IMMP2L: variants seen among roughly 807,000 people sequenced by gnomAD.
IMMP2L encodes the protein mitochondrial inner membrane protease subunit 2.
Under a neutral mutation model 19.3 loss-of-function variants are expected in IMMP2L, and 18 were observed. That is an observed-to-expected ratio of 0.93 (90% confidence interval 0.64 to 1.38). The LOEUF is 1.38. Ranked by LOEUF, IMMP2L falls within the 40% of genes most tolerant of loss-of-function variation. IMMP2L has a pLI of 0.00. For missense variants in IMMP2L, 233 were observed against 218.2 expected, an observed-to-expected ratio of 1.07 and a Z score of -0.43; for synonymous variants, 76 against 73.0, an observed-to-expected ratio of 1.04 and a Z score of -0.21.
rs1412160908 is a variant in IMMP2L, at chr7:110,727,785, T to C, written c.409-64064A>G. 6.6e-6 allele frequency among the ~76,000 whole-genome samples: 1 copy of C among 152,242 alleles called. No individual in the cohort carries two copies. The highest frequency in any genetic ancestry group is 1.5e-5 in the Non-Finnish European group (1 of 68,034). ...TATCTAAGAGAGTCTGGGAAAGTCATGGGACTTACCTGAACTTATATCAAG... is the reference window on the plus strand; with the variant it reads ...TATCTAAGAGAGTCTGGGAAAGTCACGGGACTTACCTGAACTTATATCAAG... On this transcript the variant is annotated intron_variant, in intron 5 of 5. Transcript: ENST00000405709. This position sits in a 1 kb window ranked among gnomAD's most constrained non-coding sequence, Gnocchi z 4.3.
chr7:110,907,760 T>G (rs258995), intron 4 of IMMP2L, among the ~76,000 whole-genome samples: 83,881 of 152,062 alleles, frequency 0.55, 24,983 homozygotes, highest in East Asian at 0.85. Flanking sequence ...ATATTCATTT[T>G]TTGCTGTTAT....
chr7:111,503,830 A>G (rs1238931917), intron 2 of IMMP2L, among the ~76,000 whole-genome samples: 4 of 152,180 alleles, frequency 2.6e-5, no homozygotes, highest in East Asian at 1.9e-4. Context: ...TCAAAATAAT[A>G]AGAGCTATCT....
intron 4 of IMMP2L, among the ~76,000 whole-genome samples, chr7:110,887,697 T>C (rs1454246181): frequency 1.3e-5 from 2 of 151,018 alleles, no homozygotes; most frequent in African/African-American, 4.8e-5. Context: ...AATAAAATAT[T>C]ATCCTAATCC....
At chr7:111,232,445 ACT>A (rs1471474205) in intron 3 of IMMP2L, among the ~76,000 whole-genome samples, 1 of 151,628 alleles carries the variant, frequency 6.6e-6, no homozygotes, top group African/African-American at 2.4e-5. Context: ...AATGAACCCA[ACT>A]CTGTAACACA....
At chr7:110,944,484 C>T (rs567330985) in intron 4 of IMMP2L, among the ~76,000 whole-genome samples, 10 of 151,622 alleles carry the variant, frequency 6.6e-5, no homozygotes, top group Admixed American at 4.7e-4. Flanking sequence ...TGTGTGTGTG[C>T]GCGTGTGTGT....
chr7:110,914,037 C>T (rs770994114), intron 4 of IMMP2L, among the ~76,000 whole-genome samples: 1 of 152,068 alleles, frequency 6.6e-6, no homozygotes, highest in Non-Finnish European at 1.5e-5. Flanking sequence ...GAAAGTCAAC[C>T]AGCAAAATGT....
At chr7:111,095,028 C>G (rs951749355) in intron 3 of IMMP2L, among the ~76,000 whole-genome samples, 2 of 151,974 alleles carry the variant, frequency 1.3e-5, no homozygotes, top group Non-Finnish European at 2.9e-5. Flanking sequence ...GCATAATTGT[C>G]AAGTTTGTAT....
At chr7:111,109,642 T>C (rs1798960086) in intron 3 of IMMP2L, among the ~76,000 whole-genome samples, 1 of 152,154 alleles carries the variant, frequency 6.6e-6, no homozygotes, top group African/African-American at 2.4e-5. Context: ...TCATGAAATC[T>C]CTCTGAGTTA....
chr7:111,517,117 T>A (rs542285718), intron 2 of IMMP2L, among the ~76,000 whole-genome samples: 111 of 150,330 alleles, frequency 7.4e-4, no homozygotes, highest in African/African-American at 1.5e-3. Flanking sequence ...TAAAATTTTT[T>A]AAAAAAAACA....
At chr7:111,535,970 G>C (rs978924488) in intron 1 of IMMP2L, among the ~76,000 whole-genome samples, 1 of 152,106 alleles carries the variant, frequency 6.6e-6, no homozygotes, top group Non-Finnish European at 1.5e-5. Flanking sequence ...GAAGGTTTAA[G>C]ATGAGCCTGA....
chr7:111,181,376 T>A (rs1191077021), intron 3 of IMMP2L, among the ~76,000 whole-genome samples: 1 of 152,050 alleles, frequency 6.6e-6, no homozygotes, highest in Non-Finnish European at 1.5e-5. Flanking sequence ...ATTTTCTTAT[T>A]TGTTTGTTTA....
chr7:110,805,116 A>G (rs1361260164), intron 5 of IMMP2L, among the ~76,000 whole-genome samples: 1 of 152,124 alleles, frequency 6.6e-6, no homozygotes, highest in African/African-American at 2.4e-5. Context: ...AAGAAGTCAC[A>G]CCAGTTTTAA....
chr7:110,787,141 T>C (rs1800134878), intron 5 of IMMP2L, among the ~76,000 whole-genome samples: 1 of 152,038 alleles, frequency 6.6e-6, no homozygotes, highest in African/African-American at 2.4e-5. Context: ...GTTACCATGA[T>C]AATGACACTG....
chr7:111,204,467 A>G (rs1810485799), intron 3 of IMMP2L, among the ~76,000 whole-genome samples: 1 of 152,206 alleles, frequency 6.6e-6, no homozygotes, highest in Non-Finnish European at 1.5e-5. Flanking sequence ...CATACTAAGT[A>G]TTAAATAATG....
At chr7:111,014,455 C>G (rs910872452) in intron 3 of IMMP2L, among the ~76,000 whole-genome samples, 1 of 151,940 alleles carries the variant, frequency 6.6e-6, no homozygotes, top group African/African-American at 2.4e-5. Flanking sequence ...ATAAATGACT[C>G]CTGGATTAAT....
At chr7:111,205,472 T>G (rs1468035008) in intron 3 of IMMP2L, among the ~76,000 whole-genome samples, 1 of 152,150 alleles carries the variant, frequency 6.6e-6, no homozygotes, top group South Asian at 2.1e-4. Flanking sequence ...ATTTCCTAAC[T>G]CCTCAGGAAA....
At chr7:111,545,913 A>G (rs879370106) in intron 1 of IMMP2L, among the ~76,000 whole-genome samples, 3 of 152,144 alleles carry the variant, frequency 2.0e-5, no homozygotes, top group Admixed American at 1.3e-4. Flanking sequence ...TCATCTTCTT[A>G]TAATTCCCTC....
At chr7:111,077,894 T>C (rs1795552043) in intron 3 of IMMP2L, among the ~76,000 whole-genome samples, 1 of 152,190 alleles carries the variant, frequency 6.6e-6, no homozygotes, top group African/African-American at 2.4e-5. Context: ...GTGCACACTG[T>C]TCTTCTGCCC....
chr7:110,993,318 C>T (rs542516147), intron 3 of IMMP2L, among the ~76,000 whole-genome samples: 2 of 152,122 alleles, frequency 1.3e-5, no homozygotes, highest in Non-Finnish European at 2.9e-5. Context: ...ATCATGGTTC[C>T]TATGTCTCTG....
Sources: gnomAD v4.1 joint callset for allele counts (sites outside exome capture counted in the v4.1 genomes callset) on GRCh38, gnomAD v4.1.1 for gene constraint, Gnocchi (gnomAD v3.1) non-coding constraint, MANE v1.5 for transcripts, NCBI Gene and HGNC (gene_info 2026-07-23, HGNC 2026-07-21) for gene names.